The following MACO1 variants were observed in gnomAD, a reference collection of about 807,000 sequenced individuals.
MACO1 encodes macoilin 1.
MACO1 carries 14 observed loss-of-function variants against 78.7 expected under a neutral mutation model. The observed-to-expected ratio is 0.18, with a 90% CI of 0.12 to 0.28. The LOEUF (loss-of-function observed/expected upper bound fraction) is 0.28, where lower values mean the gene tolerates loss of function less well. Ranked by LOEUF, MACO1 falls within the 10% of genes least tolerant of loss-of-function variation. The probability of loss-of-function intolerance (pLI) is 1.00; values close to 1 mark genes in which losing one functional copy is unlikely to be tolerated. For missense variants in MACO1, 501 were observed against 799.0 expected (o/e 0.63, Z 4.50); for synonymous variants, 288 against 291.6 (o/e 0.99, Z 0.12).
At chr1:25,449,436 A>G (rs893618345) in intron 3 of MACO1, among the ~76,000 whole-genome samples, 1 of 152,220 alleles carries the variant, frequency 6.6e-6, no homozygotes, top group African/African-American at 2.4e-5. Context: ...TTGGGCAGCT[A>G]TAAAATAAAG....
chr1:25,454,266 A>G lies in MACO1; in HGVS notation c.357A>G (p.Gly119=). Residue 119 remains glycine (G), a synonymous_variant, in exon 4 of 11, where the codon GGA becomes GGG. Coordinates refer to ENST00000374343, the MANE Select transcript of MACO1 (RefSeq NM_018202.6). The part of the protein sequence containing the change: ...WVQYVWHTER[G]VCLPTVSLWI... The stretch of plus-strand genomic sequence containing the variant: ...TCTGCTGCTTTCTCACAGAAAGGGG[A>G]GTGTGTTTGCCTACAGTGTCTCTCT... The G allele has an allele frequency of 6.3e-7, 1 of 1,590,762 alleles. No homozygotes were observed. Among genetic ancestry groups the G allele is most frequent in the Non-Finnish European group, 8.6e-7 (1 of 1,168,834 alleles).
rs182059172 is a variant in MACO1, at chr1:25,449,427, T to G, written c.349+493T>G. On this transcript the variant is annotated intron_variant, in intron 3 of 10. Coordinates refer to ENST00000374343, the MANE Select transcript of MACO1 (RefSeq NM_018202.6). ...TGTTCCTGGTACCCTACTCTGTTTT[T>G]GGGCAGCTATAAAATAAAGTTATTC... Among the ~76,000 whole-genome samples, 807 of 152,330 alleles carry G rather than the reference T, an allele frequency of 5.3e-3. 6 individuals are homozygous for G. Among genetic ancestry groups the G allele is most frequent in the African/African-American group, 0.018 (746 of 41,576 alleles).
At chr1:25,488,857 G>T (rs553049288) in intron 8 of MACO1, among the ~76,000 whole-genome samples, 1 of 151,796 alleles carries the variant, frequency 6.6e-6, no homozygotes, top group Non-Finnish European at 1.5e-5. Context: ...TCACTCGGAC[G>T]CCCAAGCTGG....
At chr1:25,496,485 T>G (rs1283008199) in intron 10 of MACO1, among the ~76,000 whole-genome samples, 3 of 152,210 alleles carry the variant, frequency 2.0e-5, no homozygotes, top group Non-Finnish European at 4.4e-5. Flanking sequence ...CTAAGTGTTC[T>G]AAGTGCTTTT....
intron 3 of MACO1, among the ~76,000 whole-genome samples, chr1:25,452,319 T>C (rs1021985120): frequency 6.6e-6 from 1 of 152,242 alleles, no homozygotes; most frequent in Admixed American, 6.5e-5. Context: ...TTATTAGTCA[T>C]GTCCTGATAT....
intron 6 of MACO1, among the ~76,000 whole-genome samples, chr1:25,476,491 G>C (rs1338720142): frequency 7.2e-5 from 11 of 152,188 alleles, no homozygotes; most frequent in African/African-American, 1.9e-4. Flanking sequence ...CCTCACTTAA[G>C]ATGGGATATA....
intron 4 of MACO1, among the ~76,000 whole-genome samples, chr1:25,456,321 A>G (rs1432839073): frequency 8.5e-5 from 13 of 152,136 alleles, no homozygotes; most frequent in Non-Finnish European, 1.6e-4. Flanking sequence ...AGTTTCTTCA[A>G]TATTTCTTCA....
Position 25,485,814 on chromosome 1 carries a change from A to C in MACO1, c.1496+19A>C. 6.3e-7 allele frequency: 1 copy of C among 1,595,516 alleles called. No homozygotes were observed. The highest frequency in any genetic ancestry group is 8.5e-7 in the Non-Finnish European group (1 of 1,171,882). Reference sequence around the variant, plus strand: ...CATCTAGGTATGTCCATGTCACCTGAGTGTTTAATCCAAGGTTGGCTTTCC... The same window carrying C: ...CATCTAGGTATGTCCATGTCACCTGCGTGTTTAATCCAAGGTTGGCTTTCC... On this transcript the variant is annotated intron_variant, in intron 8 of 10. Coordinates refer to ENST00000374343, the MANE Select transcript of MACO1 (RefSeq NM_018202.6). This position sits in a 1 kb window ranked among gnomAD's most constrained non-coding sequence, Gnocchi z 4.3.
chr1:25,480,929 A>AAAAAATATATTTATATATAT (rs1553166539), intron 6 of MACO1, among the ~76,000 whole-genome samples: 1 of 47,938 alleles, frequency 2.1e-5, no homozygotes, highest in Non-Finnish European at 3.4e-5. Context: ...AAAAAAAAAA[A>AAAAAATATATTTATATATAT]ATATATATAT....
intron 6 of MACO1, 54 bp downstream of exon 6, chr1:25,458,946 CTT>C (rs1359598289): frequency 6.4e-7 from 1 of 1,560,520 alleles, no homozygotes. Context: ...TTGACATACT[CTT>C]GACATACTCC....
At chr1:25,495,325 A>C (rs1007338836) in intron 10 of MACO1, among the ~76,000 whole-genome samples, 2 of 152,216 alleles carry the variant, frequency 1.3e-5, no homozygotes, top group Admixed American at 6.5e-5. Flanking sequence ...TTTCCAAAGC[A>C]CTGGGTATGT....
intron 6 of MACO1, among the ~76,000 whole-genome samples, chr1:25,481,563 T>A (rs1393792103): frequency 2.0e-5 from 3 of 152,214 alleles, no homozygotes; most frequent in African/African-American, 7.2e-5. Context: ...TGAAATCAGC[T>A]TCTGAAGAAA....
Position 25,491,599 on chromosome 1 carries a change from GC to G in MACO1, c.1792+19del, listed in dbSNP as rs573028870. 138 of 1,612,238 alleles carry G rather than the reference GC, an allele frequency of 8.6e-5. 2 individuals are homozygous for G. In the South Asian group the frequency reaches 1.4e-3, roughly 17 times the overall value. On this transcript the variant is annotated intron_variant, in intron 10 of 10. Transcript: ENST00000374343. The stretch of plus-strand genomic sequence containing the variant: ...GATTGCCCAAGGTAGGAGAACGTGG[GC>G]CCCTGGTGAGGTGGTGTGACTGATA...
intron 1 of MACO1, among the ~76,000 whole-genome samples, chr1:25,439,434 C>T (rs1217679893): frequency 1.3e-5 from 2 of 151,972 alleles, no homozygotes; most frequent in Non-Finnish European, 2.9e-5. Context: ...ATATTTCACA[C>T]TGTTAGATTT....
chr1:25,450,668 C>T (rs1026123370), intron 3 of MACO1, among the ~76,000 whole-genome samples: 1 of 152,086 alleles, frequency 6.6e-6, no homozygotes, highest in Non-Finnish European at 1.5e-5. Flanking sequence ...TGATTTTCTC[C>T]ATGTTTCACA....
chr1:25,454,464 G>GTATA lies in MACO1; in HGVS notation c.473+83_473+84insATAT, dbSNP rs1206688329. 723 of 178,070 alleles carry GTATA rather than the reference G, an allele frequency of 4.1e-3. 13 individuals carry two copies. The highest frequency in any genetic ancestry group is 0.031 in the African/African-American group (675 of 21,976). The allele number at this position is 178,070 out of a possible 1,614,324, so 11.0% of individuals were successfully genotyped here. A position where few individuals can be genotyped will look rare whatever the true frequency, so the allele number is the denominator to read the frequency against. On this transcript the variant is annotated intron_variant, in intron 4 of 10. Transcript: ENST00000374343. The stretch of plus-strand genomic sequence containing the variant: ...TGTGTGTGTGTGTGTGTGTGTGTGT[G>GTATA]TGTGTGTATATATATATATATATAT...
intron 1 of MACO1, among the ~76,000 whole-genome samples, chr1:25,439,073 A>G (rs998371474): frequency 3.3e-5 from 5 of 152,156 alleles, no homozygotes; most frequent in African/African-American, 7.2e-5. Flanking sequence ...TATATTATAC[A>G]TTATATTACC....
rs146059356 is a variant in MACO1 at position 25,491,218 on chromosome 1, T to G, written c.1618-192T>G. On this transcript the variant is annotated intron_variant, in intron 9 of 10. Coordinates refer to ENST00000374343, the MANE Select transcript of MACO1 (RefSeq NM_018202.6). The stretch of plus-strand genomic sequence containing the variant: ...TGCCCAGCACAGTCAAATGATCATC[T>G]TCTAAATATTTTTGTATGTGCTTAT... The G allele has an allele frequency of 1.8e-4, 38 of 209,684 alleles. No homozygotes were observed. The East Asian group carries it at 6.4e-3, about 35-fold the overall frequency. 13.0% of individuals were successfully genotyped at this position (209,684 alleles called of 1,614,324 possible). A position where few individuals can be genotyped will look rare whatever the true frequency, so the allele number is the denominator to read the frequency against.
chr1:25,463,392 T>C (rs989825533), intron 6 of MACO1, among the ~76,000 whole-genome samples: 5 of 152,182 alleles, frequency 3.3e-5, no homozygotes, highest in African/African-American at 1.2e-4. Context: ...CTAGAAAGTT[T>C]GGGAACTTGC....
Sources: allele counts gnomAD v4.1 joint callset (sites outside exome capture counted in the v4.1 genomes callset), GRCh38; gene constraint gnomAD v4.1.1; non-coding constraint Gnocchi (gnomAD v3.1); transcripts MANE v1.5; gene names NCBI Gene and HGNC (gene_info 2026-07-23, HGNC 2026-07-21).